SNX29: variants seen among roughly 807,000 people sequenced by gnomAD.
SNX29 encodes the protein sorting nexin 29, also known as sorting nexin-29.
A neutral mutation model predicts 102.1 loss-of-function variants in SNX29; 78 were observed. That is an observed-to-expected ratio of 0.76 (90% CI 0.64 to 0.92). The LOEUF is 0.92. Ranked by LOEUF, SNX29 falls within the 40% of genes least tolerant of loss-of-function variation. The probability of loss-of-function intolerance (pLI) is 0.00; values close to 1 mark genes in which losing one functional copy is unlikely to be tolerated. For synonymous variants in SNX29, 580 were observed against 414.5 expected (o/e 1.40, Z -4.85); for missense variants, 1,280 against 1,061.7 (o/e 1.21, Z -2.86).
chr16:12,516,808 T>A (rs1255783470), intron 19 of SNX29, among the ~76,000 whole-genome samples: 3 of 152,170 alleles, frequency 2.0e-5, no homozygotes, highest in Admixed American at 1.3e-4. Flanking sequence ...GGGACATGCG[T>A]TGCAAAGACA....
At chr16:12,150,256 G>A (rs73519851) in intron 13 of SNX29, among the ~76,000 whole-genome samples, 3,772 of 152,244 alleles carry the variant, frequency 0.025, 165 homozygotes, top group African/African-American at 0.087. Flanking sequence ...CTATTCAGGC[G>A]AGAGATGATG....
chr16:12,467,652 A>G (rs909629573), intron 18 of SNX29, among the ~76,000 whole-genome samples: 2 of 119,102 alleles, frequency 1.7e-5, no homozygotes, highest in African/African-American at 8.1e-5. Flanking sequence ...TCATTCATTC[A>G]TTCCATTCAC....
At chr16:12,029,441 G>A (rs1275123432) in intron 4 of SNX29, among the ~76,000 whole-genome samples, 4 of 152,206 alleles carry the variant, frequency 2.6e-5, no homozygotes, top group Non-Finnish European at 4.4e-5. Flanking sequence ...CACAGACTTG[G>A]CTTGCTGTCT....
At chr16:12,514,558 G>C (rs1291543409) in intron 19 of SNX29, among the ~76,000 whole-genome samples, 2 of 152,150 alleles carry the variant, frequency 1.3e-5, no homozygotes, top group African/African-American at 4.8e-5. Flanking sequence ...CTTCTGAAAT[G>C]GGAACATGAA....
At chr16:12,538,840 G>C (rs148125966) in intron 20 of SNX29, among the ~76,000 whole-genome samples, 1 of 152,274 alleles carries the variant, frequency 6.6e-6, no homozygotes, top group African/African-American at 2.4e-5. Flanking sequence ...AAAGTCACGT[G>C]GCAAAGAGGG....
intron 15 of SNX29, among the ~76,000 whole-genome samples, chr16:12,322,644 A>G (rs868728609): frequency 8.5e-5 from 13 of 152,050 alleles, no homozygotes; most frequent in Non-Finnish European, 1.6e-4. Flanking sequence ...TGTGCTGGAG[A>G]CCTCTATTAG....
chr16:12,366,867 G>C (rs2151359576), intron 16 of SNX29: 1 of 144,954 alleles, frequency 6.9e-6, no homozygotes, highest in East Asian at 2.2e-4. Flanking sequence ...CTTTTCCTCT[G>C]TCTGTCTCTT....
At chr16:12,053,236 A>T (rs1047551048) in intron 8 of SNX29, 1 of 148,978 alleles carries the variant, frequency 6.7e-6, no homozygotes, top group African/African-American at 2.5e-5. Flanking sequence ...CGGAGCCAAG[A>T]TGATGCCATT....
In SNX29 at chr16:12,117,002, G is replaced by T. The variant is rs112763068; in HGVS notation, c.1403-9631G>T. Among the ~76,000 whole-genome samples the T allele has an allele frequency of 7.7e-4, 117 of 150,988 alleles. 1 individual carries two copies. The highest frequency in any genetic ancestry group is 1.8e-3 in the East Asian group (9 of 5,082). On this transcript the variant is annotated intron_variant, in intron 11 of 20. Transcript: ENST00000566228. ...CGGATGAACCATGGAAACAGGCGTG[G>T]TCAATACGTGCTTCAGTGCGGACGA...
chr16:12,545,065 C>G (rs187085749), intron 20 of SNX29, among the ~76,000 whole-genome samples: 5 of 152,140 alleles, frequency 3.3e-5, no homozygotes, highest in Non-Finnish European at 2.9e-5. Context: ...GTAGCATAGC[C>G]ACGAAATGCA....
chr16:12,045,610 ATATTAT>A (rs68189960), intron 5 of SNX29, among the ~76,000 whole-genome samples: 37 of 127,264 alleles, frequency 2.9e-4, no homozygotes, highest in Middle Eastern at 4.2e-3. Context: ...GGCAGGCATT[ATATTAT>A]TATTATTATT....
intron 11 of SNX29, among the ~76,000 whole-genome samples, chr16:12,100,833 G>C (rs527240179): frequency 6.6e-6 from 1 of 152,106 alleles, no homozygotes; most frequent in African/African-American, 2.4e-5. Context: ...TCTGGCCCCT[G>C]GGTGGACTGG....
chr16:12,535,500 A>T (rs535442843), intron 20 of SNX29, among the ~76,000 whole-genome samples: 1 of 152,148 alleles, frequency 6.6e-6, no homozygotes, highest in African/African-American at 2.4e-5. Context: ...CAGATGAGGA[A>T]ACTGAGTCTC....
At chr16:12,139,720 C>A (rs1288135531) in intron 13 of SNX29, among the ~76,000 whole-genome samples, 1 of 152,154 alleles carries the variant, frequency 6.6e-6, no homozygotes, top group Non-Finnish European at 1.5e-5. Flanking sequence ...GGTGCAGTGG[C>A]TCACGCCTAT....
At chr16:12,153,749 A>G (rs1214528820) in intron 13 of SNX29, among the ~76,000 whole-genome samples, 1 of 151,620 alleles carries the variant, frequency 6.6e-6, no homozygotes, top group Admixed American at 6.6e-5. Flanking sequence ...AAGTGCTGGG[A>G]TTATGGGAGT....
At chr16:12,213,762 C>A (rs1489816148) in intron 14 of SNX29, among the ~76,000 whole-genome samples, 1 of 152,188 alleles carries the variant, frequency 6.6e-6, no homozygotes, top group Admixed American at 6.5e-5. Context: ...AGCCAGTTTC[C>A]CGACCTTTAA....
intron 15 of SNX29, among the ~76,000 whole-genome samples, chr16:12,315,218 C>G (rs191420709): frequency 4.1e-4 from 63 of 152,124 alleles, no homozygotes; most frequent in Middle Eastern, 6.8e-3. Flanking sequence ...GTGGGGCCTC[C>G]CAGTTGAGAG....
chr16:12,160,537 T>C (rs180788997), intron 13 of SNX29, among the ~76,000 whole-genome samples: 1 of 152,246 alleles, frequency 6.6e-6, no homozygotes, highest in Admixed American at 6.5e-5. Context: ...ACGAGATTAG[T>C]GGTTGTCAGG....
chr16:12,136,345 T>C (rs1360150011), intron 13 of SNX29, among the ~76,000 whole-genome samples: 2 of 152,216 alleles, frequency 1.3e-5, no homozygotes, highest in Non-Finnish European at 2.9e-5. Flanking sequence ...GACCCTTACC[T>C]AGGGAAGCAG....
Sources: allele counts gnomAD v4.1 joint callset (sites outside exome capture counted in the v4.1 genomes callset), GRCh38; gene constraint gnomAD v4.1.1; transcripts MANE v1.5; gene names NCBI Gene and HGNC (gene_info 2026-07-23, HGNC 2026-07-21).